The following ADGRL3 variants were observed in gnomAD, a reference collection of about 807,000 sequenced individuals.
ADGRL3 encodes the protein calcium-independent alpha-latrotoxin receptor 3.
ADGRL3 carries 62 observed loss-of-function variants against 153.5 expected under a neutral mutation model. The ratio of observed to expected loss-of-function variants is 0.40; its 90% CI spans 0.33 to 0.50. The LOEUF is 0.50. ADGRL3 is among the 20% of genes least tolerant of loss of function. The pLI, the probability that ADGRL3 is intolerant of heterozygous loss-of-function variation, is 0.47. For missense variants in ADGRL3, 1,641 were observed against 1,859.4 expected (o/e 0.88, Z 2.16); for synonymous variants, 710 against 672.5 (o/e 1.06, Z -0.86).
At chr4:61,219,797 T>C (rs1744546349) in intron 1 of ADGRL3, among the ~76,000 whole-genome samples, 1 of 152,146 alleles carries the variant, frequency 6.6e-6, no homozygotes. Flanking sequence ...TCTCTTCCTG[T>C]TTCAAACCTC....
At chr4:61,365,955 T>C (rs2096387673) in intron 1 of ADGRL3, among the ~76,000 whole-genome samples, 1 of 152,204 alleles carries the variant, frequency 6.6e-6, no homozygotes, top group Non-Finnish European at 1.5e-5. Flanking sequence ...ATCTTAATTT[T>C]CTTGTGAAGC....
intron 3 of ADGRL3, among the ~76,000 whole-genome samples, chr4:61,502,079 TTTG>T (rs916579304): frequency 1.3e-5 from 2 of 152,114 alleles, no homozygotes; most frequent in African/African-American, 4.8e-5. Context: ...AAGGATTCTT[TTTG>T]TTGTTGTTCT....
chr4:61,353,109 G>A (rs1419262615), intron 1 of ADGRL3, among the ~76,000 whole-genome samples: 1 of 152,106 alleles, frequency 6.6e-6, no homozygotes, highest in Non-Finnish European at 1.5e-5. Flanking sequence ...GTTTGCTGTT[G>A]CTTTTGGCAA....
chr4:61,561,769 A>G (rs183221994), intron 4 of ADGRL3, among the ~76,000 whole-genome samples: 1 of 152,084 alleles, frequency 6.6e-6, no homozygotes, highest in East Asian at 1.9e-4. Flanking sequence ...GAATTATTAT[A>G]TCAATTCTCA....
In ADGRL3 at chr4:61,733,358, G is replaced by A. The variant is rs748671296; in HGVS notation, c.1203G>A (p.Glu401=). The change falls in exon 8 of 27, where the codon GAG becomes GAA. Residue 401 remains glutamate (E), a synonymous_variant. Transcript: ENST00000683033. The stretch of plus-strand genomic sequence containing the variant: ...CTGTATATGAGGATGATGACAATGA[G>A]GCTACTGGAAATAAGATTGACTACA... ...VKSVYEDDDN[E]ATGNKIDYIY... The A allele has an allele frequency of 4.3e-6, 7 of 1,613,534 alleles. No homozygotes were observed. In the Admixed American group the frequency reaches 8.4e-5, roughly 19 times the overall value.
intron 1 of ADGRL3, among the ~76,000 whole-genome samples, chr4:61,219,969 G>A (rs1192549376): frequency 2.0e-5 from 3 of 152,006 alleles, no homozygotes; most frequent in Non-Finnish European, 4.4e-5. Context: ...TTAGGCGGGC[G>A]TGGTGGCGGG....
chr4:61,419,831 G>A (rs528565542), intron 2 of ADGRL3, among the ~76,000 whole-genome samples: 3 of 145,164 alleles, frequency 2.1e-5, no homozygotes, highest in African/African-American at 5.1e-5. Context: ...TTTTGCTCTC[G>A]TCACCTAGGC....
chr4:61,318,252 T>C (rs1432182587), intron 1 of ADGRL3, among the ~76,000 whole-genome samples: 1 of 133,826 alleles, frequency 7.5e-6, no homozygotes, highest in African/African-American at 2.9e-5. Flanking sequence ...AAAGAAAATA[T>C]ATAGGATAAT....
At chr4:61,620,091 G>T (rs1269581776) in intron 5 of ADGRL3, among the ~76,000 whole-genome samples, 1 of 150,918 alleles carries the variant, frequency 6.6e-6, no homozygotes, top group Non-Finnish European at 1.5e-5. Context: ...AATAAGGCTG[G>T]CTTTATGCTT....
intron 22 of ADGRL3, 101 bp from the exon 23 acceptor site, chr4:62,031,341 G>T (rs1721933089): frequency 1.0e-6 from 1 of 965,140 alleles, no homozygotes. Flanking sequence ...GTCAATAAAA[G>T]TTACTGTAAC....
chr4:61,996,441 A>G, intron 20 of ADGRL3, 84 bp downstream of exon 20: 1 of 950,160 alleles, frequency 1.1e-6, no homozygotes, highest in Non-Finnish European at 1.7e-6. Context: ...TTTAATTTAC[A>G]GAGGTTAATT....
intron 25 of ADGRL3, among the ~76,000 whole-genome samples, chr4:62,053,815 C>T (rs2151789130): frequency 6.6e-6 from 1 of 151,640 alleles, no homozygotes; most frequent in Non-Finnish European, 1.5e-5. Flanking sequence ...TCACGACAGA[C>T]CTTCTGCATG....
rs183678339 is a variant in ADGRL3 at position 61,812,304 on chromosome 4, G to C, written c.1400-1505G>C. ...CTCTGTATATTACAGTCTCTCCACT[G>C]TCTCTGCTGTTAGCTGGAAAAATGC... On this transcript the variant is annotated intron_variant, in intron 8 of 26. Coordinates refer to ENST00000683033, the MANE Select transcript of ADGRL3 (RefSeq NM_001387552.1). 2.2e-3 allele frequency among the ~76,000 whole-genome samples: 341 copies of C among 152,240 alleles called. 1 individual carries two copies. Among genetic ancestry groups the C allele is most frequent in the Non-Finnish European group, 2.9e-3 (198 of 68,000 alleles).
In ADGRL3 at chr4:61,346,222, A is replaced by G. The variant is rs564299106; in HGVS notation, c.-239-36902A>G. Reference sequence around the variant, plus strand: ...TCTAGTCCAGCCTGAGCAACTGGGTAACACGGTAACATATTGAGTCTCTCT... The same window carrying G: ...TCTAGTCCAGCCTGAGCAACTGGGTGACACGGTAACATATTGAGTCTCTCT... On this transcript the variant is annotated intron_variant, in intron 1 of 26. Transcript: ENST00000683033. Among the ~76,000 whole-genome samples the G allele has an allele frequency of 4.0e-5, 6 of 151,432 alleles. No individual in the cohort carries two copies. The South Asian group carries it at 1.3e-3, about 32-fold the overall frequency.
chr4:61,453,390 T>C (rs191051382), intron 2 of ADGRL3, among the ~76,000 whole-genome samples: 4 of 152,256 alleles, frequency 2.6e-5, no homozygotes, highest in Admixed American at 2.6e-4. Flanking sequence ...CACAAATATG[T>C]TTATATTTAT....
chr4:61,519,730 T>G (rs903401735), intron 4 of ADGRL3, among the ~76,000 whole-genome samples: 1 of 152,256 alleles, frequency 6.6e-6, no homozygotes, highest in Admixed American at 6.5e-5. Flanking sequence ...TGAAAAGACA[T>G]GGAGGAATTT....
At chr4:61,604,568 CCT>C (rs1448179656) in intron 5 of ADGRL3, among the ~76,000 whole-genome samples, 2 of 152,026 alleles carry the variant, frequency 1.3e-5, no homozygotes, top group Non-Finnish European at 2.9e-5. Context: ...CCTTTCTTCC[CCT>C]TTCTTTAGTT....
chr4:61,700,868 A>G (rs2095745054), intron 6 of ADGRL3, among the ~76,000 whole-genome samples: 1 of 152,218 alleles, frequency 6.6e-6, no homozygotes, highest in Non-Finnish European at 1.5e-5. Context: ...AAAGAATAAC[A>G]ATAGCTAAGA....
intron 1 of ADGRL3, among the ~76,000 whole-genome samples, chr4:61,337,474 T>A (rs765917775): frequency 4.6e-5 from 7 of 152,174 alleles, no homozygotes; most frequent in African/African-American, 9.6e-5. Context: ...AGAAATGCTG[T>A]GCCTCAGCTT....
Sources: allele counts gnomAD v4.1 joint callset (sites outside exome capture counted in the v4.1 genomes callset), GRCh38; gene constraint gnomAD v4.1.1; transcripts MANE v1.5; gene names NCBI Gene and HGNC (gene_info 2026-07-23, HGNC 2026-07-21).